Variants in USH2A observed in about 807,000 individuals in gnomAD.
USH2A encodes Usher syndrome 2A (autosomal recessive, mild).
A neutral mutation model predicts 538.9 loss-of-function variants in USH2A; 443 were observed. That is an observed-to-expected ratio of 0.82 (90% CI 0.76 to 0.89). The LOEUF is 0.89. Among genes scored for constraint, USH2A ranks in the 40% least tolerant of loss-of-function variants. The probability of loss-of-function intolerance (pLI) is 0.00; values close to 1 mark genes in which losing one functional copy is unlikely to be tolerated. For synonymous variants in USH2A, 2,413 were observed against 2,273.5 expected (o/e 1.06, Z -1.75); for missense variants, 6,633 against 6,324.8 (o/e 1.05, Z -1.65).
chr1:215,781,310 C>T (rs1246719715), intron 54 of USH2A, among the ~76,000 whole-genome samples: 1 of 152,166 alleles, frequency 6.6e-6, no homozygotes, highest in Admixed American at 6.6e-5. Context: ...TGATCCTTCT[C>T]TTTAAATATA....
rs771074875 is a variant in USH2A at position 216,421,985 on chromosome 1, G to T, written c.352C>A (p.Pro118Thr). The change falls in exon 2 of 72, where the codon CCT becomes ACT. Residue 118 changes from proline to threonine, a missense_variant. By Grantham distance (38) the Pro-to-Thr change is conservative. Coordinates refer to ENST00000307340, the MANE Select transcript of USH2A (RefSeq NM_206933.4). ...CITPDKNDLH[P>T]NAHSNSASFI... Reference sequence around the variant, plus strand: ...CTTGCAGAATTGCTATGGGCGTTAGGATGCAGATCATTCTTGTCTGGTGTG... The same window carrying T: ...CTTGCAGAATTGCTATGGGCGTTAGTATGCAGATCATTCTTGTCTGGTGTG... 3.1e-6 allele frequency: 5 copies of T among 1,613,942 alleles called. No homozygotes were observed. The South Asian group carries it at 5.5e-5, about 18-fold the overall frequency.
intron 14 of USH2A, among the ~76,000 whole-genome samples, chr1:216,228,910 A>C (rs1452368482): frequency 1.3e-5 from 2 of 152,144 alleles, no homozygotes; most frequent in African/African-American, 4.8e-5. Flanking sequence ...CACTCGGCTC[A>C]AGCCTGTAAT....
chr1:216,413,302 T>C lies in USH2A; in HGVS notation c.651+5212A>G, dbSNP rs118091366. On this transcript the variant is annotated intron_variant, in intron 3 of 71. Coordinates refer to ENST00000307340, the MANE Select transcript of USH2A (RefSeq NM_206933.4). Reference sequence around the variant, plus strand: ...GGGAGTGGGGCTGGGATGGTATTCCTATGACAATTCTATGCCATAAAGCTT... The same window carrying C: ...GGGAGTGGGGCTGGGATGGTATTCCCATGACAATTCTATGCCATAAAGCTT... Among the ~76,000 whole-genome samples, 327 of 152,134 alleles carry C rather than the reference T, an allele frequency of 2.1e-3. 2 individuals are homozygous for C. In the East Asian group the frequency reaches 0.037, roughly 17 times the overall value.
chr1:215,897,462 G>A (rs1426309956), intron 40 of USH2A, among the ~76,000 whole-genome samples: 3 of 152,056 alleles, frequency 2.0e-5, no homozygotes, highest in East Asian at 1.9e-4. Flanking sequence ...TGAGGCGGCT[G>A]GATCACCTGA....
chr1:216,326,189 G>A (rs1224236325), intron 5 of USH2A, among the ~76,000 whole-genome samples: 1 of 152,208 alleles, frequency 6.6e-6, no homozygotes, highest in African/African-American at 2.4e-5. Context: ...AACAGTCAAA[G>A]AATGCCAATT....
rs1558189630 is a variant in USH2A, at chr1:215,973,659, T to TTC, written c.6806-2884_6806-2883insGA. 2.0e-3 allele frequency among the ~76,000 whole-genome samples: 232 copies of TTC among 115,204 alleles called. 1 individual carries two copies. Among genetic ancestry groups the TTC allele is most frequent in the South Asian group, 5.0e-3 (18 of 3,594 alleles). 75.6% of individuals were successfully genotyped at this position (115,204 alleles called of 152,430 possible). Reference sequence around the variant, plus strand: ...AAATTTACTTCTTCTTCTTCTTCTTTTTTTTTTTTTTTTTTGTCTATCTGA... The same window carrying TTC: ...AAATTTACTTCTTCTTCTTCTTCTTTTCTTTTTTTTTTTTTTTGTCTATCTGA... On this transcript the variant is annotated intron_variant, in intron 35 of 71. Transcript: ENST00000307340.
At chr1:216,287,104 C>A (rs2102603320) in intron 11 of USH2A, among the ~76,000 whole-genome samples, 1 of 152,230 alleles carries the variant, frequency 6.6e-6, no homozygotes, top group Non-Finnish European at 1.5e-5. Flanking sequence ...AAGACACACA[C>A]AAAGGTGGTT....
intron 32 of USH2A, among the ~76,000 whole-genome samples, chr1:216,028,703 C>T (rs1028549801): frequency 6.6e-6 from 1 of 151,952 alleles, no homozygotes; most frequent in African/African-American, 2.4e-5. Context: ...TAGCATCCTT[C>T]ATATATATTA....
rs1355608362 is a variant in USH2A, at chr1:216,030,928, A to G, written c.6325+15503T>C. On this transcript the variant is annotated intron_variant, in intron 32 of 71. Coordinates refer to ENST00000307340, the MANE Select transcript of USH2A (RefSeq NM_206933.4). ...GATTTATATAGACTCTCTAAAAAAC[A>G]ATAAAAAAAAACTGACAAAAGACAT... Among the ~76,000 whole-genome samples, 3 of 151,822 alleles carry G rather than the reference A, an allele frequency of 2.0e-5. No homozygotes were observed. The East Asian group carries it at 5.8e-4, about 29-fold the overall frequency.
intron 50 of USH2A, among the ~76,000 whole-genome samples, chr1:215,795,977 T>G (rs1267265288): frequency 6.6e-6 from 1 of 151,494 alleles, no homozygotes; most frequent in African/African-American, 2.4e-5. Context: ...ATAATAAATC[T>G]ATAACATTCT....
intron 21 of USH2A, among the ~76,000 whole-genome samples, chr1:216,153,219 T>C (rs1008310121): frequency 1.1e-4 from 16 of 152,186 alleles, no homozygotes; most frequent in Non-Finnish European, 2.9e-5. Context: ...AAGAAAGCAC[T>C]GAGCTGGTTA....
At chr1:216,238,577 G>T (rs1182367121) in intron 13 of USH2A, among the ~76,000 whole-genome samples, 1 of 152,142 alleles carries the variant, frequency 6.6e-6, no homozygotes, top group Non-Finnish European at 1.5e-5. Context: ...GTTATTGAAT[G>T]GCATATTAAA....
intron 21 of USH2A, among the ~76,000 whole-genome samples, chr1:216,147,230 C>G (rs1031092018): frequency 6.6e-6 from 1 of 152,018 alleles, no homozygotes; most frequent in African/African-American, 2.4e-5. Flanking sequence ...CCAGGTTGTT[C>G]CTCGCCAGGC....
rs75252506 is a variant in USH2A at position 215,659,368 on chromosome 1, G to A, written c.14134-8567C>T. 5.8e-3 allele frequency among the ~76,000 whole-genome samples: 890 copies of A among 152,210 alleles called. 26 individuals are homozygous for A. In the South Asian group the frequency reaches 0.072, roughly 12 times the overall value. On this transcript the variant is annotated intron_variant, in intron 64 of 71. Transcript: ENST00000307340. Reference sequence around the variant, plus strand: ...TGGCTGACCTTAGTGAGTAAGGGCCGGAAAGCAATGGGATGAGGACAGAAT... The same window carrying A: ...TGGCTGACCTTAGTGAGTAAGGGCCAGAAAGCAATGGGATGAGGACAGAAT...
At position 215,728,023 on chromosome 1, in the gene USH2A, G is replaced by A; in HGVS notation, c.12066+7C>T. On this transcript the variant is annotated splice_region_variant and intron_variant, in intron 61 of 71. Transcript: ENST00000307340. ...TGCATGTCTGTTACTTTTCTAAAGGGTCTTACCTTCACTGTGAAAGCATGC... is the reference window on the plus strand; with the variant it reads ...TGCATGTCTGTTACTTTTCTAAAGGATCTTACCTTCACTGTGAAAGCATGC... 6.2e-7 allele frequency: 1 copy of A among 1,613,496 alleles called. No individual in the cohort carries two copies. Among genetic ancestry groups the A allele is most frequent in the Non-Finnish European group, 8.5e-7 (1 of 1,179,650 alleles).
chr1:216,078,062 T>C (rs746796810), intron 27 of USH2A, 27 bp downstream of exon 27: 1 of 1,613,348 alleles, frequency 6.2e-7, no homozygotes, highest in South Asian at 1.1e-5. Context: ...CTGTATGGAT[T>C]TGTGAATTCC....
intron 35 of USH2A, among the ~76,000 whole-genome samples, chr1:215,974,627 A>G (rs1273689863): frequency 6.6e-6 from 1 of 152,172 alleles, no homozygotes. Context: ...GCTTAGTACA[A>G]AAGCCTCCAG....
At chr1:216,416,282 C>T (rs538413730) in intron 3 of USH2A, among the ~76,000 whole-genome samples, 3 of 152,192 alleles carry the variant, frequency 2.0e-5, no homozygotes, top group Admixed American at 6.5e-5. Context: ...TAAATAATTG[C>T]TCTTTAATTT....
chr1:216,226,155 A>C (rs1207769381), intron 14 of USH2A, among the ~76,000 whole-genome samples: 1 of 152,206 alleles, frequency 6.6e-6, no homozygotes, highest in Non-Finnish European at 1.5e-5. Context: ...AGCAATCATA[A>C]ATCAGTTTTA....
Sources: allele counts gnomAD v4.1 joint callset (sites outside exome capture counted in the v4.1 genomes callset), GRCh38; gene constraint gnomAD v4.1.1; transcripts MANE v1.5; gene names NCBI Gene and HGNC (gene_info 2026-07-23, HGNC 2026-07-21).